Variants in HIVEP1 observed in about 807,000 individuals in gnomAD.
HIVEP1 encodes the protein zinc finger protein 40.
Under a neutral mutation model 180.0 loss-of-function variants are expected in HIVEP1, and 36 were observed. The observed-to-expected ratio is 0.20, with a 90% CI of 0.15 to 0.26. HIVEP1 has a LOEUF of 0.26. Among genes scored for constraint, HIVEP1 ranks in the 10% least tolerant of loss-of-function variants. HIVEP1 has a pLI of 1.00. For synonymous variants in HIVEP1, 1,239 were observed against 1,239.0 expected, an observed-to-expected ratio of 1.00 and a Z score of 0.00; for missense variants, 3,143 against 3,268.7, an observed-to-expected ratio of 0.96 and a Z score of 0.94.
chr6:12,152,375 G>A (rs779086088), intron 7 of HIVEP1, among the ~76,000 whole-genome samples: 1 of 151,912 alleles, frequency 6.6e-6, no homozygotes, highest in Non-Finnish European at 1.5e-5. Context: ...TTATCAGTAC[G>A]ACTTTTGATT....
chr6:12,145,781 A>G (rs923617756), intron 7 of HIVEP1, among the ~76,000 whole-genome samples: 11 of 152,178 alleles, frequency 7.2e-5, no homozygotes, highest in African/African-American at 2.7e-4. Flanking sequence ...TCTTCCAACT[A>G]GAAAATAAAT....
chr6:12,147,107 CAAG>C (rs993935652), intron 7 of HIVEP1, among the ~76,000 whole-genome samples: 5 of 152,212 alleles, frequency 3.3e-5, no homozygotes, highest in African/African-American at 1.2e-4. Flanking sequence ...GACAGAAAAA[CAAG>C]AGAGTTCCAC....
chr6:12,087,685 T>C (rs1773196989), intron 2 of HIVEP1, among the ~76,000 whole-genome samples: 1 of 152,142 alleles, frequency 6.6e-6, no homozygotes, highest in South Asian at 2.1e-4. Context: ...TTCCATATTT[T>C]TCTGTCTGAA....
At chr6:12,084,968 A>C (rs985185742) in intron 2 of HIVEP1, among the ~76,000 whole-genome samples, 3 of 152,136 alleles carry the variant, frequency 2.0e-5, no homozygotes, top group Non-Finnish European at 4.4e-5. Context: ...CATAATTTAT[A>C]ATGTTAAAGA....
chr6:12,080,209 C>T (rs888931494), intron 2 of HIVEP1, among the ~76,000 whole-genome samples: 1 of 152,056 alleles, frequency 6.6e-6, no homozygotes, highest in Non-Finnish European at 1.5e-5. Context: ...TAGCTCGGCC[C>T]CTCACCTGGG....
chr6:12,177,049 A>C, the HIVEP1 span, among the ~76,000 whole-genome samples: 6 of 152,224 alleles, frequency 3.9e-5, no homozygotes, highest in African/African-American at 1.2e-4. Flanking sequence ...TAACTTCAGC[A>C]AACTAACGCA....
chr6:12,052,309 C>A (rs1184467044), intron 2 of HIVEP1, among the ~76,000 whole-genome samples: 2 of 152,080 alleles, frequency 1.3e-5, no homozygotes. Context: ...TAGAGGGCCA[C>A]CTAGAGATAG....
the HIVEP1 span, among the ~76,000 whole-genome samples, chr6:12,188,480 T>A: frequency 6.6e-6 from 1 of 152,162 alleles, no homozygotes; most frequent in East Asian, 1.9e-4. Flanking sequence ...GAAGCAACTA[T>A]ATTGATATTT....
upstream of HIVEP1, among the ~76,000 whole-genome samples, chr6:12,011,794 G>C (rs1767331485): frequency 6.8e-6 from 1 of 147,338 alleles, no homozygotes; most frequent in South Asian, 2.1e-4. Flanking sequence ...GGCCGCGCCG[G>C]CCCAGCTGGG....
At chr6:12,025,735 G>T (rs1475582472) in intron 2 of HIVEP1, among the ~76,000 whole-genome samples, 1 of 152,176 alleles carries the variant, frequency 6.6e-6, no homozygotes, top group African/African-American at 2.4e-5. Flanking sequence ...CACACTGCAG[G>T]TAAAGGGCAA....
chr6:12,018,354 A>G (rs2113585376), intron 2 of HIVEP1, among the ~76,000 whole-genome samples: 1 of 152,330 alleles, frequency 6.6e-6, no homozygotes, highest in Non-Finnish European at 1.5e-5. Context: ...GGCGGGCTGA[A>G]GGGCTCCTCA....
rs1436475099 is a variant in HIVEP1 at position 12,089,173 on chromosome 6, G to GT, written c.41-6dup. On this transcript the variant is annotated splice_polypyrimidine_tract_variant and intron_variant, in intron 2 of 8. Transcript: ENST00000379388. ...TAAATTAATTTATAAATTTTTCTCT[G>GT]TTTTTCTTAGACAAAATTGAAGAAG... is the stretch of plus-strand genomic sequence containing the variant. The GT allele has an allele frequency of 7.5e-6, 11 of 1,472,324 alleles. No homozygotes were observed. The highest frequency in any genetic ancestry group is 1.0e-5 in the Non-Finnish European group (11 of 1,059,152). 91.2% of individuals were successfully genotyped at this position (1,472,324 alleles called of 1,614,324 possible).
chr6:12,163,844 G>A lies in HIVEP1; in HGVS notation c.7540G>A (p.Gly2514Arg). The change falls in exon 9 of 9, where the codon GGA becomes AGA. Residue 2514 changes from glycine (G) to arginine (R), a missense_variant. Physicochemically the swap from Gly to Arg is moderately radical, Grantham distance 125. Around this residue, in one of 12 missense-constraint regions of HIVEP1, gnomAD observed 595 missense variants for 602.2 expected, o/e 0.99. Transcript: ENST00000379388. ...TATGGCCCCACAAGTCCATCCACCA[G>A]GACTGGCTCTGAATGCTGTCGGACT... ...TNMAPQVHPP[G>R]LALNAVGLQV... 2 of 1,614,136 alleles carry A rather than the reference G, an allele frequency of 1.2e-6. No homozygotes were observed. The highest frequency in any genetic ancestry group is 1.7e-6 in the Non-Finnish European group (2 of 1,180,034).
intron 2 of HIVEP1, among the ~76,000 whole-genome samples, chr6:12,025,025 A>G (rs1316636058): frequency 6.6e-6 from 1 of 152,176 alleles, no homozygotes; most frequent in Admixed American, 6.5e-5. Flanking sequence ...AGGGCTTTTC[A>G]TGTTTTCTCA....
intron 3 of HIVEP1, among the ~76,000 whole-genome samples, chr6:12,102,912 GTT>G (rs1554142784): frequency 6.6e-6 from 1 of 151,824 alleles, no homozygotes; most frequent in Non-Finnish European, 1.5e-5. Flanking sequence ...TTTTATGTTT[GTT>G]TTATTTTAAT....
chr6:12,168,261 T>TATATATACATATATACATATATAC (rs1401929278), downstream of HIVEP1, among the ~76,000 whole-genome samples: 11 of 36,778 alleles, frequency 3.0e-4, no homozygotes, highest in Admixed American at 1.5e-3. Flanking sequence ...GATATACGTG[T>TATATATACATATATACATATATAC]ATATATACAT....
intron 2 of HIVEP1, among the ~76,000 whole-genome samples, chr6:12,019,657 G>C (rs777224087): frequency 1.3e-5 from 2 of 152,046 alleles, no homozygotes; most frequent in African/African-American, 2.4e-5. Flanking sequence ...TCTTGTGCTT[G>C]GTAATCAAGT....
the HIVEP1 span, among the ~76,000 whole-genome samples, chr6:12,172,783 A>ATGT: frequency 6.8e-6 from 1 of 148,024 alleles, no homozygotes; most frequent in African/African-American, 2.5e-5. Context: ...GAGTTAAAAC[A>ATGT]CGGTCCTTTT....
At chr6:12,184,245 T>C in the HIVEP1 span, among the ~76,000 whole-genome samples, 1 of 152,218 alleles carries the variant, frequency 6.6e-6, no homozygotes, top group African/African-American at 2.4e-5. Context: ...AGCCTTTGTA[T>C]TGAGAATACA....
Sources: allele counts gnomAD v4.1 joint callset (sites outside exome capture counted in the v4.1 genomes callset), GRCh38; gene constraint gnomAD v4.1.1; regional missense constraint gnomAD v4.1.1; transcripts MANE v1.5; gene names NCBI Gene and HGNC (gene_info 2026-07-23, HGNC 2026-07-21).